TNRC6A: variants seen among roughly 807,000 people sequenced by gnomAD.
TNRC6A encodes the protein trinucleotide repeat-containing gene 6A protein.
A neutral mutation model predicts 221.2 loss-of-function variants in TNRC6A; 44 were observed. The observed-to-expected ratio is 0.20, with a 90% CI of 0.16 to 0.26. The LOEUF (loss-of-function observed/expected upper bound fraction) is 0.26. Ranked by LOEUF, TNRC6A falls within the 10% of genes least tolerant of loss-of-function variation. The pLI, the probability that TNRC6A is intolerant of heterozygous loss-of-function variation, is 1.00. For synonymous variants in TNRC6A, 847 were observed against 838.5 expected, an observed-to-expected ratio of 1.01 and a Z score of -0.18; for missense variants, 2,199 against 2,404.4, an observed-to-expected ratio of 0.91 and a Z score of 1.79.
chr16:24,729,933 C>A, intron 1 of TNRC6A, 87 bp downstream of exon 1: 1 of 1,131,320 alleles, frequency 8.8e-7, no homozygotes, highest in Non-Finnish European at 1.1e-6. Context: ...GCAGCAGAGG[C>A]GGCGGCGCCG....
intron 2 of TNRC6A, among the ~76,000 whole-genome samples, chr16:24,700,544 G>A (rs1202093274): frequency 6.6e-6 from 1 of 151,972 alleles, no homozygotes; most frequent in East Asian, 1.9e-4. Context: ...GCCTATGTCT[G>A]AATATTAAAT....
chr16:24,700,148 A>C lies in TNRC6A; in HGVS notation n.403-50578A>C, dbSNP rs530561792. ...GGTGGCTCACACCTGTAATTTTAGC[A>C]CTTTGGGAAACTGAGACGGGAGGAT... On this transcript the variant is annotated intron_variant and non_coding_transcript_variant, in intron 2 of 2. Transcript: ENST00000566108. Among the ~76,000 whole-genome samples the C allele has an allele frequency of 2.0e-5, 3 of 152,132 alleles. No homozygotes were observed. The East Asian group carries it at 5.8e-4, about 30-fold the overall frequency.
At chr16:24,665,218 T>C (rs954916975) in intron 2 of TNRC6A, among the ~76,000 whole-genome samples, 1 of 152,046 alleles carries the variant, frequency 6.6e-6, no homozygotes, top group African/African-American at 2.4e-5. Flanking sequence ...TACAAGCTCA[T>C]GTTTTTAAAA....
chr16:24,726,094 CTGGCACATAG>C (rs1381871465), upstream of TNRC6A, among the ~76,000 whole-genome samples: 1 of 152,062 alleles, frequency 6.6e-6, no homozygotes, highest in Non-Finnish European at 1.5e-5. Flanking sequence ...AGCACAGTGC[CTGGCACATAG>C]TAGGTGCTCA....
chr16:24,751,252 A>G (rs1409858105), intron 3 of TNRC6A, among the ~76,000 whole-genome samples: 1 of 152,172 alleles, frequency 6.6e-6, no homozygotes, highest in Non-Finnish European at 1.5e-5. Flanking sequence ...AATTGAGATG[A>G]TGTTATTATA....
intron 11 of TNRC6A, among the ~76,000 whole-genome samples, chr16:24,801,394 C>A (rs2058327901): frequency 6.6e-6 from 1 of 152,074 alleles, no homozygotes; most frequent in South Asian, 2.1e-4. Flanking sequence ...CAGTGGGGCT[C>A]AGGGGTAGTC....
intron 8 of TNRC6A, among the ~76,000 whole-genome samples, chr16:24,794,925 G>A (rs1309503045): frequency 6.6e-6 from 1 of 152,062 alleles, no homozygotes; most frequent in Non-Finnish European, 1.5e-5. Flanking sequence ...GCTACAGCTT[G>A]GGATTTCTCT....
intron 2 of TNRC6A, among the ~76,000 whole-genome samples, chr16:24,721,671 G>C (rs2056412718): frequency 6.6e-6 from 1 of 152,200 alleles, no homozygotes; most frequent in Non-Finnish European, 1.5e-5. Context: ...GCCCGGCCTG[G>C]TGGTGCATGC....
At chr16:24,689,332 G>T (rs190720427) in intron 2 of TNRC6A, among the ~76,000 whole-genome samples, 3 of 152,190 alleles carry the variant, frequency 2.0e-5, no homozygotes, top group African/African-American at 7.2e-5. Flanking sequence ...TGGCAGCGAG[G>T]AAGGTGGGCA....
chr16:24,797,810 C>A, intron 10 of TNRC6A, 105 bp from the exon 11 acceptor site: 1 of 1,029,214 alleles, frequency 9.7e-7, no homozygotes, highest in South Asian at 1.8e-5. Flanking sequence ...GCTTTATGAT[C>A]CACTTGAATT....
chr16:24,623,582 G>C (rs1335937769), intron 1 of TNRC6A, among the ~76,000 whole-genome samples: 1 of 151,928 alleles, frequency 6.6e-6, no homozygotes, highest in Admixed American at 6.6e-5. Flanking sequence ...AAAACACAGG[G>C]TCCCTTATTT....
intron 2 of TNRC6A, among the ~76,000 whole-genome samples, chr16:24,668,349 A>AAAAAAG (rs1402839419): frequency 6.6e-6 from 1 of 151,960 alleles, no homozygotes; most frequent in East Asian, 1.9e-4. Context: ...CATCTCAAAA[A>AAAAAAG]AAAAAGAAAA....
intron 2 of TNRC6A, chr16:24,663,080 G>A (rs1246026416): frequency 6.5e-6 from 1 of 153,756 alleles, no homozygotes; most frequent in African/African-American, 2.4e-5. Context: ...GAGGCAAGCA[G>A]GGGCCTCTTT....
chr16:24,793,033 C>T (rs1370827212), intron 6 of TNRC6A, among the ~76,000 whole-genome samples: 2 of 152,140 alleles, frequency 1.3e-5, no homozygotes, highest in East Asian at 3.9e-4. Flanking sequence ...AGGTGATCCA[C>T]CTGCCTCAGC....
chr16:24,682,819 C>A lies in TNRC6A; in HGVS notation n.402+41810C>A, dbSNP rs115244243. Among the ~76,000 whole-genome samples, 1,127 of 152,240 alleles carry A rather than the reference C, an allele frequency of 7.4e-3. 11 individuals carry two copies. Among genetic ancestry groups the A allele is most frequent in the African/African-American group, 0.026 (1,067 of 41,532 alleles). On this transcript the variant is annotated intron_variant and non_coding_transcript_variant, in intron 2 of 2. Coordinates refer to the TNRC6A transcript ENST00000566108. ...TCATCTTCTGGGGCTCCCTATTGGT[C>A]AAAACCAATGGGAAGCCAGAAGACA...
chr16:24,626,649 C>CTTT (rs5816260), intron 1 of TNRC6A, among the ~76,000 whole-genome samples: 10 of 126,934 alleles, frequency 7.9e-5, no homozygotes, highest in Non-Finnish European at 1.3e-4. Context: ...GATACTATTT[C>CTTT]TTTTTTTTTT....
intron 2 of TNRC6A, among the ~76,000 whole-genome samples, chr16:24,749,298 C>T (rs976061561): frequency 6.6e-6 from 1 of 152,140 alleles, no homozygotes; most frequent in African/African-American, 2.4e-5. Context: ...GATTGGCAAG[C>T]TTTACTTTAC....
At chr16:24,713,212 G>T (rs1277823935) in intron 2 of TNRC6A, among the ~76,000 whole-genome samples, 1 of 152,070 alleles carries the variant, frequency 6.6e-6, no homozygotes. Context: ...GAGGCCAGGA[G>T]TTCGAGACCA....
At chr16:24,774,926 G>T (rs1343549712) in intron 4 of TNRC6A, among the ~76,000 whole-genome samples, 1 of 152,164 alleles carries the variant, frequency 6.6e-6, no homozygotes, top group Non-Finnish European at 1.5e-5. Flanking sequence ...TGTAAATGCT[G>T]TGTAAATAAT....
Sources: allele counts gnomAD v4.1 joint callset (sites outside exome capture counted in the v4.1 genomes callset), GRCh38; gene constraint gnomAD v4.1.1; transcripts MANE v1.5; gene names NCBI Gene and HGNC (gene_info 2026-07-23, HGNC 2026-07-21).